APC: variants seen among roughly 807,000 people sequenced by gnomAD.
APC encodes the protein APC regulator of Wnt signaling pathway.
APC carries 72 observed loss-of-function variants against 247.0 expected under a neutral mutation model. The ratio of observed to expected loss-of-function variants is 0.29; its 90% CI spans 0.24 to 0.35. APC has a LOEUF of 0.35. APC is among the 10% of genes least tolerant of loss of function. The probability of loss-of-function intolerance (pLI) is 1.00; values close to 1 mark genes in which losing one functional copy is unlikely to be tolerated. For synonymous variants in APC, 1,254 were observed against 1,162.5 expected (o/e 1.08, Z -1.60); for missense variants, 3,400 against 3,360.7 (o/e 1.01, Z -0.29).
At position 112,842,660 on chromosome 5, in the gene APC, A is replaced by G. The variant is rs751861630; in HGVS notation, c.7066A>G (p.Thr2356Ala). The G allele has an allele frequency of 1.2e-6, 2 of 1,613,662 alleles. No homozygotes were observed. The highest frequency in any genetic ancestry group is 1.7e-6 in the Non-Finnish European group (2 of 1,179,750). The part of the protein sequence containing the change: ...PRTSSPSTAS[T>A]KSSGSGKMSY... ...GACATCATCCCCTAGTACTGCTTCA[A>G]CTAAGTCCTCAGGTTCTGGAAAAAT... The change falls in exon 16 of 16, where the codon ACT becomes GCT. Residue 2356 changes from threonine to alanine, a missense_variant. By Grantham distance (58) the Thr-to-Ala change is moderately conservative. This residue lies in a region of APC where 1,788 missense variants were observed against 1,649.5 expected (regional missense o/e 1.08). Transcript: ENST00000257430.
At position 112,801,276 on chromosome 5, in the gene APC, C is replaced by T. The variant is rs786203125; in HGVS notation, c.730-3C>T. On this transcript the variant is annotated splice_region_variant and splice_polypyrimidine_tract_variant and intron_variant, in intron 7 of 15. Transcript: ENST00000257430. The stretch of plus-strand genomic sequence containing the variant: ...TGTACTGATGTTAACTCCATCTTAA[C>T]AGAGGTCATCTCAGAACAAGCATGA... 1 of 1,611,654 alleles carries T rather than the reference C, an allele frequency of 6.2e-7. No individual in the cohort carries two copies. The highest frequency in any genetic ancestry group is 8.5e-7 in the Non-Finnish European group (1 of 1,178,226).
At chr5:112,835,250 C>T in intron 15 of APC, 85 bp downstream of exon 15, 1 of 1,262,240 alleles carries the variant, frequency 7.9e-7, no homozygotes, top group East Asian at 2.5e-5. Context: ...TTTATATAAT[C>T]ATGAAAGTTT....
At chr5:112,773,375 C>T (rs78390795) in intron 4 of APC, among the ~76,000 whole-genome samples, 1 of 152,052 alleles carries the variant, frequency 6.6e-6, no homozygotes, top group Non-Finnish European at 1.5e-5. Context: ...ATCTACAAAT[C>T]GGACTGCATG....
chr5:112,841,962 G>C lies in APC; in HGVS notation c.6368G>C (p.Cys2123Ser), dbSNP rs878853463. 1 of 1,613,676 alleles carries C rather than the reference G, an allele frequency of 6.2e-7. No homozygotes were observed. The part of the protein sequence containing the change: ...SSLHQAAAAA[C>S]LSRQASSDSD... Reference sequence around the variant, plus strand: ...TTACATCAAGCTGCTGCTGCTGCATGTTTATCTAGACAAGCTTCGTCTGAT... The same window carrying C: ...TTACATCAAGCTGCTGCTGCTGCATCTTTATCTAGACAAGCTTCGTCTGAT... Residue 2123 changes from cysteine to serine, a missense_variant, in exon 16 of 16, where the codon TGT becomes TCT. Coordinates refer to ENST00000257430, the MANE Select transcript of APC (RefSeq NM_000038.6). This position sits in a 1 kb window ranked among gnomAD's most constrained non-coding sequence, Gnocchi z 4.6.
intron 2 of APC, among the ~76,000 whole-genome samples, chr5:112,755,958 A>G (rs1415649409): frequency 2.0e-5 from 3 of 151,914 alleles, no homozygotes; most frequent in Non-Finnish European, 2.9e-5. Flanking sequence ...AAAAAAAAAA[A>G]ATTACTTCCT....
intron 6 of APC, among the ~76,000 whole-genome samples, chr5:112,790,306 G>GT (rs1554074278): frequency 2.6e-5 from 4 of 151,072 alleles, no homozygotes; most frequent in Non-Finnish European, 4.4e-5. Context: ...TTTTATTTGG[G>GT]TTTTTTTTGG....
At position 112,840,545 on chromosome 5, in the gene APC, T is replaced by G; in HGVS notation, c.4951T>G (p.Phe1651Val). The part of the protein sequence containing the change: ...VYCVEGTPIN[F>V]STATSLSDLT... ...TTGTGTTGAAGGGACACCTATAAACTTTTCCACAGCTACATCTCTAAGTGA... is the reference window on the plus strand; with the variant it reads ...TTGTGTTGAAGGGACACCTATAAACGTTTCCACAGCTACATCTCTAAGTGA... Residue 1651 changes from phenylalanine to valine, a missense_variant, in exon 16 of 16, where the codon TTT (phenylalanine) becomes GTT (valine). Coordinates refer to ENST00000257430, the MANE Select transcript of APC (RefSeq NM_000038.6). The surrounding 1 kb of genome is among the most constrained non-coding windows in gnomAD (Gnocchi z 4.1). 1 of 1,614,112 alleles carries G rather than the reference T, an allele frequency of 6.2e-7. No homozygotes were observed. Among genetic ancestry groups the G allele is most frequent in the African/African-American group, 1.3e-5 (1 of 75,034 alleles).
rs142835322 is a variant in APC, at chr5:112,838,432, A to G, written c.2838A>G (p.Thr946=). 1.9e-5 allele frequency: 30 copies of G among 1,614,234 alleles called. No individual in the cohort carries two copies. The Admixed American group carries it at 4.2e-4, about 22-fold the overall frequency. Residue 946 remains threonine (T), a synonymous_variant, in exon 16 of 16, where the codon ACA becomes ACG. Coordinates refer to ENST00000257430, the MANE Select transcript of APC (RefSeq NM_000038.6). ...NFTKSENSNR[T]CSMPYAKLEY... Reference sequence around the variant, plus strand: ...CTAAGTCGGAAAATTCAAATAGGACATGTTCTATGCCTTATGCCAAATTAG... The same window carrying G: ...CTAAGTCGGAAAATTCAAATAGGACGTGTTCTATGCCTTATGCCAAATTAG...
chr5:112,729,924 A>C (rs1405245941), intron 1 of APC, among the ~76,000 whole-genome samples: 1 of 152,156 alleles, frequency 6.6e-6, no homozygotes, highest in East Asian at 1.9e-4. Context: ...GAGTCATCAC[A>C]GTTTTTCTGA....
At chr5:112,795,530 C>CTGTGA (rs1760127851) in intron 7 of APC, among the ~76,000 whole-genome samples, 3 of 152,182 alleles carry the variant, frequency 2.0e-5, no homozygotes, top group Non-Finnish European at 4.4e-5. Flanking sequence ...TGACAGCCAC[C>CTGTGA]CATCTTTTTG....
At chr5:112,821,842 T>C (rs1467222025) in intron 10 of APC, 54 bp from the exon 11 acceptor site, 1 of 1,379,034 alleles carries the variant, frequency 7.3e-7, no homozygotes, top group Non-Finnish European at 1.0e-6. Flanking sequence ...ACAATAAACA[T>C]CATTGCTCTT....
At chr5:112,738,252 C>A (rs1298086046) in intron 1 of APC, 1 of 981,916 alleles carries the variant, frequency 1.0e-6, no homozygotes, top group Non-Finnish European at 1.2e-6. Context: ...ATAACAGTAT[C>A]TAAGGAAACG....
intron 1 of APC, among the ~76,000 whole-genome samples, chr5:112,710,066 G>C (rs1750760788): frequency 6.6e-6 from 1 of 152,050 alleles, no homozygotes; most frequent in Non-Finnish European, 1.5e-5. Flanking sequence ...AGGATCCCAT[G>C]ATCATCAGCT....
intron 2 of APC, among the ~76,000 whole-genome samples, chr5:112,757,240 A>G (rs1214360545): frequency 1.3e-5 from 2 of 152,200 alleles, no homozygotes; most frequent in Non-Finnish European, 2.9e-5. Flanking sequence ...ATGCTGTGAA[A>G]GAGCATAAAC....
chr5:112,711,590 C>G (rs1750852213), intron 1 of APC, among the ~76,000 whole-genome samples: 2 of 152,196 alleles, frequency 1.3e-5, no homozygotes, highest in Non-Finnish European at 2.9e-5. Flanking sequence ...CATGGTGTCT[C>G]ACACCTGTAA....
chr5:112,761,108 G>A lies in APC; in HGVS notation c.136-5218G>A, dbSNP rs147923004. On this transcript the variant is annotated intron_variant, in intron 2 of 15. Coordinates refer to ENST00000257430, the MANE Select transcript of APC (RefSeq NM_000038.6). Reference sequence around the variant, plus strand: ...ACAGGTGTGAGCCACCACCCCCAGCGGGTCCCAATCCATTTTTAGTTGCTA... The same window carrying A: ...ACAGGTGTGAGCCACCACCCCCAGCAGGTCCCAATCCATTTTTAGTTGCTA... Among the ~76,000 whole-genome samples, 1,230 of 152,122 alleles carry A rather than the reference G, an allele frequency of 8.1e-3. 8 individuals are homozygous for A. Among genetic ancestry groups the A allele is most frequent in the Middle Eastern group, 0.021 (6 of 292 alleles).
Position 112,839,405 on chromosome 5 carries a change from T to G in APC, c.3811T>G (p.Phe1271Val). The change falls in exon 16 of 16, where the codon TTT becomes GTT. Residue 1271 changes from phenylalanine (F) to valine (V), a missense_variant. Physicochemically the swap from Phe to Val is conservative, Grantham distance 50. This residue lies in a region of APC where 715 missense variants were observed against 656.6 expected (regional missense o/e 1.09). Transcript: ENST00000257430. The surrounding 1 kb of genome is among the most constrained non-coding windows in gnomAD (Gnocchi z 5.0). Reference protein sequence around the residue: ...TYCVEDTPICFSRCSSLSSLS... With the variant: ...TYCVEDTPICVSRCSSLSSLS... ...TTGTGTAGAAGATACTCCAATATGT[T>G]TTTCAAGATGTAGTTCATTATCATC... 6.2e-7 allele frequency: 1 copy of G among 1,614,146 alleles called. No homozygotes were observed. Among genetic ancestry groups the G allele is most frequent in the Non-Finnish European group, 8.5e-7 (1 of 1,180,008 alleles).
chr5:112,819,377 G>A (rs2149784514), intron 10 of APC, 33 bp downstream of exon 10: 1 of 1,613,686 alleles, frequency 6.2e-7, no homozygotes, highest in Non-Finnish European at 8.5e-7. Context: ...CGTAGTGCAT[G>A]TTTCAAAGCA....
chr5:112,812,054 C>T (rs1022637432), intron 8 of APC, among the ~76,000 whole-genome samples: 3 of 152,192 alleles, frequency 2.0e-5, no homozygotes, highest in East Asian at 1.9e-4. Context: ...AGCATAGTAA[C>T]GCTTCCCTCA....
Sources: allele counts gnomAD v4.1 joint callset (sites outside exome capture counted in the v4.1 genomes callset), GRCh38; gene constraint gnomAD v4.1.1; regional missense constraint gnomAD v4.1.1; non-coding constraint Gnocchi (gnomAD v3.1); transcripts MANE v1.5; gene names NCBI Gene and HGNC (gene_info 2026-07-23, HGNC 2026-07-21).